The following SYN3 variants were observed in gnomAD, a reference collection of about 807,000 sequenced individuals.
SYN3 encodes synapsin III.
In SYN3, 35 loss-of-function variants were observed where a neutral mutation model predicts 65.8. The ratio of observed to expected loss-of-function variants is 0.53; its 90% CI spans 0.41 to 0.70. SYN3 has a LOEUF of 0.70. Among genes scored for constraint, SYN3 ranks in the 30% least tolerant of loss-of-function variants. The pLI is 0.00. For synonymous variants in SYN3, 270 were observed against 292.9 expected (o/e 0.92, Z 0.80); for missense variants, 680 against 749.0 (o/e 0.91, Z 1.08).
intron 2 of SYN3, among the ~76,000 whole-genome samples, chr22:33,004,334 T>A (rs577438530): frequency 6.6e-6 from 1 of 152,330 alleles, no homozygotes; most frequent in Admixed American, 6.5e-5. Flanking sequence ...GCCTGTGAAA[T>A]CAGCTGGGAG....
At chr22:32,779,188 G>T (rs115121801) in intron 6 of SYN3, among the ~76,000 whole-genome samples, 2,497 of 152,328 alleles carry the variant, frequency 0.016, 58 homozygotes, top group African/African-American at 0.056. Flanking sequence ...AGCCGGGCAT[G>T]GTGGCTCACG....
chr22:32,569,215 T>C (rs554317703), intron 7 of SYN3, among the ~76,000 whole-genome samples: 1 of 142,760 alleles, frequency 7.0e-6, no homozygotes, highest in Admixed American at 7.3e-5. Flanking sequence ...AGAAATTCTA[T>C]CTACCTAATT....
chr22:32,594,021 G>A lies in SYN3; in HGVS notation c.774+2653C>T, dbSNP rs140838737. Among the ~76,000 whole-genome samples the A allele has an allele frequency of 2.0e-4, 31 of 152,242 alleles. No individual in the cohort carries two copies. In the East Asian group the frequency reaches 5.8e-3, roughly 28 times the overall value. On this transcript the variant is annotated intron_variant, in intron 7 of 13. Coordinates refer to ENST00000358763, the MANE Select transcript of SYN3 (RefSeq NM_003490.4). ...GATAGAGAGAGGTGGATTCCAATAA[G>A]GACAGAAAAGTGCCTGCTGAATTAG...
intron 4 of SYN3, among the ~76,000 whole-genome samples, chr22:32,902,024 G>T (rs1395920282): frequency 1.3e-5 from 2 of 152,144 alleles, no homozygotes; most frequent in Non-Finnish European, 2.9e-5. Context: ...TATGAGATCT[G>T]GGAGGCTGCA....
At chr22:32,613,882 C>T (rs2059480031) in intron 6 of SYN3, among the ~76,000 whole-genome samples, 1 of 152,294 alleles carries the variant, frequency 6.6e-6, no homozygotes, top group African/African-American at 2.4e-5. Context: ...CCCTTCCTTC[C>T]ACCTACGGAA....
At chr22:32,635,552 C>G (rs1183672712) in intron 6 of SYN3, among the ~76,000 whole-genome samples, 1 of 152,186 alleles carries the variant, frequency 6.6e-6, no homozygotes, top group Non-Finnish European at 1.5e-5. Context: ...GATATTAGAG[C>G]AAATATTTCA....
chr22:32,691,067 G>A (rs1398819534), intron 6 of SYN3, among the ~76,000 whole-genome samples: 1 of 152,138 alleles, frequency 6.6e-6, no homozygotes, highest in Non-Finnish European at 1.5e-5. Context: ...TTTAAAGCTT[G>A]GTTTCTCAGT....
In SYN3 at chr22:32,801,190, A is replaced by T. The variant is rs1310369942; in HGVS notation, c.711+63725T>A. 6.6e-6 allele frequency among the ~76,000 whole-genome samples: 1 copy of T among 152,180 alleles called. No individual in the cohort carries two copies. The highest frequency in any genetic ancestry group is 1.5e-5 in the Non-Finnish European group (1 of 68,036). ...AAGAACCAGAGAGAGAGAGAAAGAG[A>T]GAGAGTTTGGGTCTTTCTCCTCTGT... On this transcript the variant is annotated intron_variant, in intron 6 of 13. Transcript: ENST00000358763. The surrounding 1 kb of genome is among the most constrained non-coding windows in gnomAD (Gnocchi z 4.7).
intron 6 of SYN3, among the ~76,000 whole-genome samples, chr22:32,816,321 C>T (rs2047087706): frequency 6.6e-6 from 1 of 152,150 alleles, no homozygotes; most frequent in Admixed American, 6.5e-5. Flanking sequence ...GGGCCACACA[C>T]TCAGTAGGTG....
intron 6 of SYN3, among the ~76,000 whole-genome samples, chr22:32,749,301 C>T (rs2045037996): frequency 9.7e-6 from 1 of 103,584 alleles, no homozygotes; most frequent in African/African-American, 4.2e-5. Flanking sequence ...CCAAAGCCCC[C>T]CCCCCACCCC....
At chr22:32,931,205 T>G in intron 4 of SYN3, 185 bp downstream of exon 4, 1 of 547,480 alleles carries the variant, frequency 1.8e-6, no homozygotes, top group Admixed American at 2.9e-5. Flanking sequence ...ACACCACAGG[T>G]GCTGCACGTA....
In SYN3 at chr22:32,753,222, G is replaced by A. The variant is rs112484357; in HGVS notation, c.711+111693C>T. 4.2e-3 allele frequency among the ~76,000 whole-genome samples: 644 copies of A among 152,260 alleles called. 3 individuals carry two copies. Among genetic ancestry groups the A allele is most frequent in the African/African-American group, 0.014 (601 of 41,544 alleles). ...GGTCAAAGGGTCAGGTTGTATGAAAGGTCAAAGGTCACGGGTCCTGTGGGC... is the reference window on the plus strand; with the variant it reads ...GGTCAAAGGGTCAGGTTGTATGAAAAGTCAAAGGTCACGGGTCCTGTGGGC... On this transcript the variant is annotated intron_variant, in intron 6 of 13. Transcript: ENST00000358763.
In SYN3 at chr22:32,525,046, T is replaced by C. The variant is rs113043992; in HGVS notation, c.1318+2872A>G. On this transcript the variant is annotated intron_variant, in intron 12 of 13. Transcript: ENST00000358763. ...AAAATTTTTTTCATAAAGCTATAGT[T>C]GCCATAGACAGTGATTCCTCTGATG... Among the ~76,000 whole-genome samples the C allele has an allele frequency of 2.6e-3, 392 of 152,330 alleles. 2 individuals carry two copies. The highest frequency in any genetic ancestry group is 8.3e-3 in the African/African-American group (347 of 41,566).
At chr22:32,941,486 A>G (rs1363882512) in intron 3 of SYN3, among the ~76,000 whole-genome samples, 1 of 152,156 alleles carries the variant, frequency 6.6e-6, no homozygotes, top group East Asian at 1.9e-4. Context: ...AGATGGCTGA[A>G]TAGGAACAGC....
intron 1 of SYN3, among the ~76,000 whole-genome samples, chr22:33,008,068 C>T (rs2053243177): frequency 6.6e-6 from 1 of 152,076 alleles, no homozygotes; most frequent in African/African-American, 2.4e-5. Flanking sequence ...TCCAAAGTAG[C>T]TGGGATTACA....
intron 8 of SYN3, among the ~76,000 whole-genome samples, chr22:32,539,087 A>T (rs1416226014): frequency 1.3e-5 from 2 of 152,154 alleles, no homozygotes; most frequent in African/African-American, 4.8e-5. Context: ...AGGTAAAGCT[A>T]TTTGTCTTAC....
intron 4 of SYN3, among the ~76,000 whole-genome samples, chr22:32,894,803 T>C (rs868677031): frequency 3.9e-5 from 6 of 152,302 alleles, no homozygotes; most frequent in Middle Eastern, 3.4e-3. Context: ...GTGGGCTTCA[T>C]CAGATCTGCT....
At chr22:32,911,171 G>A (rs1451609570) in intron 4 of SYN3, among the ~76,000 whole-genome samples, 4 of 152,184 alleles carry the variant, frequency 2.6e-5, no homozygotes. Flanking sequence ...TCTGGGGTCT[G>A]GGCATCTTTG....
intron 6 of SYN3, among the ~76,000 whole-genome samples, chr22:32,623,421 C>A (rs1160153079): frequency 6.6e-6 from 1 of 152,130 alleles, no homozygotes; most frequent in Non-Finnish European, 1.5e-5. Context: ...GCCTTGAACC[C>A]CTGAGCTCAA....
Sources: gnomAD v4.1 joint callset for allele counts (sites outside exome capture counted in the v4.1 genomes callset) on GRCh38, gnomAD v4.1.1 for gene constraint, Gnocchi (gnomAD v3.1) non-coding constraint, MANE v1.5 for transcripts, NCBI Gene and HGNC (gene_info 2026-07-23, HGNC 2026-07-21) for gene names.